ZCCHC4: variants seen among roughly 807,000 people sequenced by gnomAD.
The protein encoded by ZCCHC4 is rRNA N(6)-adenosine-methyltransferase ZCCHC4.
In ZCCHC4, 54 loss-of-function variants were observed where a neutral mutation model predicts 67.7. That is an observed-to-expected ratio of 0.80 (90% CI 0.64 to 1.00). The LOEUF (loss-of-function observed/expected upper bound fraction) is 1.00, where lower values mean the gene tolerates loss of function less well. ZCCHC4 is among the 50% of genes least tolerant of loss of function. ZCCHC4 has a pLI of 0.00. For missense variants in ZCCHC4, 609 were observed against 617.0 expected (o/e 0.99, Z 0.14); for synonymous variants, 198 against 213.5 (o/e 0.93, Z 0.63).
At chr4:25,367,632 A>G (rs1721004494) in intron 12 of ZCCHC4, among the ~76,000 whole-genome samples, 1 of 152,206 alleles carries the variant, frequency 6.6e-6, no homozygotes, top group African/African-American at 2.4e-5. Flanking sequence ...ATGAATCAGT[A>G]TAATACTGTA....
At position 25,312,841 on chromosome 4, in the gene ZCCHC4, T is replaced by G. The variant is rs1718017503; in HGVS notation, c.32T>G (p.Val11Gly). Reference protein sequence around the residue: MAASRNGFEAVEAEGSAGCRG... With the variant: MAASRNGFEAGEAEGSAGCRG... Reference sequence around the variant, plus strand: ...GCCTCCAGGAATGGGTTTGAAGCCGTGGAGGCAGAGGGCAGCGCAGGGTGC... The same window carrying G: ...GCCTCCAGGAATGGGTTTGAAGCCGGGGAGGCAGAGGGCAGCGCAGGGTGC... The change falls in exon 1 of 13, where the codon GTG (valine) becomes GGG (glycine). Residue 11 changes from valine to glycine, a missense_variant. Physicochemically the swap from Val to Gly is moderately radical, Grantham distance 109 (BLOSUM62 -3). Coordinates refer to ENST00000302874, the MANE Select transcript of ZCCHC4 (RefSeq NM_024936.3). 6.2e-7 allele frequency: 1 copy of G among 1,613,098 alleles called. No homozygotes were observed. The highest frequency in any genetic ancestry group is 1.3e-5 in the African/African-American group (1 of 74,864).
intron 1 of ZCCHC4, 90 bp from the exon 2 acceptor site, chr4:25,313,956 A>C (rs931981269): frequency 3.9e-6 from 3 of 777,394 alleles, no homozygotes; most frequent in Admixed American, 4.7e-5. Flanking sequence ...AAGCTCAAAC[A>C]AATTTTATTT....
At chr4:25,313,638 G>A (rs1476213709) in intron 1 of ZCCHC4, among the ~76,000 whole-genome samples, 1 of 152,196 alleles carries the variant, frequency 6.6e-6, no homozygotes, top group Non-Finnish European at 1.5e-5. Flanking sequence ...CACTTGGGGG[G>A]CCGAGGCGGG....
At chr4:25,324,787 G>A (rs1019757280) in intron 3 of ZCCHC4, among the ~76,000 whole-genome samples, 5 of 152,124 alleles carry the variant, frequency 3.3e-5, no homozygotes, top group Non-Finnish European at 7.4e-5. Context: ...TTGTGTTTAT[G>A]ACATGGAACA....
At chr4:25,318,349 C>CTTTTTTTTTT (rs528144406) in intron 3 of ZCCHC4, among the ~76,000 whole-genome samples, 21 of 45,512 alleles carry the variant, frequency 4.6e-4, no homozygotes, top group South Asian at 1.2e-3. Context: ...CACTCTCTCT[C>CTTTTTTTTTT]TTTTTTTTTT....
intron 6 of ZCCHC4, among the ~76,000 whole-genome samples, chr4:25,347,201 T>G (rs1720065772): frequency 6.6e-6 from 1 of 152,248 alleles, no homozygotes; most frequent in South Asian, 2.1e-4. Context: ...TTGTTTTTTG[T>G]CTGTTTTAAT....
rs1353572724 is a variant in ZCCHC4, at chr4:25,333,914, T to C, written c.612T>C (p.His204=). The change falls in exon 5 of 13, where the codon CAT becomes CAC. Residue 204 remains histidine (H), a synonymous_variant. Coordinates refer to ENST00000302874, the MANE Select transcript of ZCCHC4 (RefSeq NM_024936.3). ...RVLCVGTPRL[H]ELIKLTASGD... is the part of the protein sequence containing the mutation. ...CTTTCACTAATTGCTTTAGGTTGCA[T>C]GAGCTGATCAAGTTGACAGCATCAG... The C allele has an allele frequency of 6.3e-7, 1 of 1,595,960 alleles. No homozygotes were observed.
chr4:25,365,204 T>C, intron 12 of ZCCHC4, 38 bp downstream of exon 12: 5 of 1,611,180 alleles, frequency 3.1e-6, no homozygotes, highest in Non-Finnish European at 4.2e-6. Context: ...GTATTCCATC[T>C]GTGTTTTATA....
chr4:25,346,921 C>T lies in ZCCHC4; in HGVS notation c.759+1301C>T, dbSNP rs1010479449. 3.3e-5 allele frequency among the ~76,000 whole-genome samples: 5 copies of T among 152,160 alleles called. No individual in the cohort carries two copies. The East Asian group carries it at 9.6e-4, about 29-fold the overall frequency. ...AGAGAAAAGAACTGGGTTGTCTAGG[C>T]ATTCACGGAAGCAGTGAGAAGACTG... is the stretch of plus-strand genomic sequence containing the variant. On this transcript the variant is annotated intron_variant, in intron 6 of 12. Coordinates refer to ENST00000302874, the MANE Select transcript of ZCCHC4 (RefSeq NM_024936.3).
intron 3 of ZCCHC4, among the ~76,000 whole-genome samples, chr4:25,322,002 T>C (rs1460430960): frequency 6.6e-6 from 1 of 152,192 alleles, no homozygotes; most frequent in East Asian, 1.9e-4. Context: ...GACCAAGTTT[T>C]CACGAGGTCT....
intron 5 of ZCCHC4, among the ~76,000 whole-genome samples, chr4:25,338,558 C>A (rs1220207454): frequency 2.6e-5 from 4 of 152,152 alleles, no homozygotes; most frequent in African/African-American, 4.8e-5. Flanking sequence ...ATTTACCATG[C>A]CCCCAGCCTT....
intron 6 of ZCCHC4, 70 bp from the exon 7 acceptor site, chr4:25,349,422 A>G (rs1720178118): frequency 2.7e-6 from 4 of 1,479,116 alleles, no homozygotes; most frequent in South Asian, 2.4e-5. Context: ...AGTCTAATGC[A>G]TTCTCCTCCA....
rs559466904 is a variant in ZCCHC4 at position 25,323,219 on chromosome 4, C to A, written c.329+7819C>A. The stretch of plus-strand genomic sequence containing the variant: ...TTGTCATTGTTTATGCATTCATTAG[C>A]TGTAATTCTTCTGTAAAAAAGAACT... On this transcript the variant is annotated intron_variant, in intron 3 of 12. Coordinates refer to ENST00000302874, the MANE Select transcript of ZCCHC4 (RefSeq NM_024936.3). Among the ~76,000 whole-genome samples, 4 of 152,270 alleles carry A rather than the reference C, an allele frequency of 2.6e-5. No homozygotes were observed. The East Asian group carries it at 7.7e-4, about 29-fold the overall frequency.
chr4:25,345,736 T>C, intron 6 of ZCCHC4, 116 bp downstream of exon 6: 1 of 660,224 alleles, frequency 1.5e-6, no homozygotes, highest in Non-Finnish European at 2.6e-6. Flanking sequence ...TGTTCTACCA[T>C]TTACTGATAT....
At chr4:25,332,520 A>G (rs961295391) in intron 3 of ZCCHC4, among the ~76,000 whole-genome samples, 1 of 152,098 alleles carries the variant, frequency 6.6e-6, no homozygotes, top group South Asian at 2.1e-4. Context: ...TCTCTCTCCA[A>G]TAATCTCTAA....
intron 7 of ZCCHC4, among the ~76,000 whole-genome samples, chr4:25,350,942 G>A (rs1720271212): frequency 6.6e-6 from 1 of 152,016 alleles, no homozygotes; most frequent in Non-Finnish European, 1.5e-5. Context: ...TAAGGAGACA[G>A]TACATAGAAT....
chr4:25,358,651 A>T (rs1720603730), intron 8 of ZCCHC4, among the ~76,000 whole-genome samples: 2 of 152,352 alleles, frequency 1.3e-5, no homozygotes, highest in South Asian at 2.1e-4. Flanking sequence ...GCTGTGCTTT[A>T]GTCAGGAGTA....
intron 3 of ZCCHC4, among the ~76,000 whole-genome samples, chr4:25,329,285 G>C (rs1292205139): frequency 6.6e-6 from 1 of 151,978 alleles, no homozygotes; most frequent in Non-Finnish European, 1.5e-5. Flanking sequence ...TGGATCTTTT[G>C]ATGTAATTTT....
chr4:25,343,423 C>G (rs1719845843), intron 5 of ZCCHC4, among the ~76,000 whole-genome samples: 1 of 151,982 alleles, frequency 6.6e-6, no homozygotes, highest in Non-Finnish European at 1.5e-5. Context: ...AAACATAATT[C>G]CCTAATATGA....
Sources: allele counts gnomAD v4.1 joint callset (sites outside exome capture counted in the v4.1 genomes callset), GRCh38; gene constraint gnomAD v4.1.1; transcripts MANE v1.5; gene names NCBI Gene and HGNC (gene_info 2026-07-23, HGNC 2026-07-21).